HYDIN: variants seen among roughly 807,000 people sequenced by gnomAD.
HYDIN encodes the protein HYDIN axonemal central pair apparatus protein.
In HYDIN, 132 loss-of-function variants were observed where a neutral mutation model predicts 403.9. That is an observed-to-expected ratio of 0.33 (90% confidence interval 0.28 to 0.38). The LOEUF (loss-of-function observed/expected upper bound fraction) is 0.38, where lower values mean the gene tolerates loss of function less well. Ranked by LOEUF, HYDIN falls within the 10% of genes least tolerant of loss-of-function variation. HYDIN has a pLI of 1.00. For synonymous variants in HYDIN, 1,202 were observed against 1,891.7 expected, an observed-to-expected ratio of 0.64 and a Z score of 9.46; for missense variants, 2,827 against 5,009.5, an observed-to-expected ratio of 0.56 and a Z score of 13.15.
intron 57 of HYDIN, among the ~76,000 whole-genome samples, chr16:70,891,070 T>C (rs2041435338): frequency 6.6e-6 from 1 of 152,002 alleles, no homozygotes. Context: ...AGACTGTGTT[T>C]GTTCAACTAA....
At chr16:70,863,870 GAAAGA>G (rs11272264) in intron 67 of HYDIN, among the ~76,000 whole-genome samples, 3 of 150,424 alleles carry the variant, frequency 2.0e-5, no homozygotes, top group Admixed American at 6.7e-5. Context: ...AGACTCTGTC[GAAAGA>G]AAAGAAAAGA....
At chr16:70,847,174 T>C (rs1278158933) in intron 75 of HYDIN, among the ~76,000 whole-genome samples, 1 of 152,326 alleles carries the variant, frequency 6.6e-6, no homozygotes, top group Non-Finnish European at 1.5e-5. Context: ...TTAATTTCAA[T>C]AATAGGCAAA....
At chr16:70,893,432 G>A (rs1385502719) in intron 55 of HYDIN, 1 of 152,152 alleles carries the variant, frequency 6.6e-6, no homozygotes. Context: ...CCCTGTCTGA[G>A]GGGTGTTTCC....
intron 50 of HYDIN, among the ~76,000 whole-genome samples, chr16:70,904,453 C>G (rs1439783669): frequency 8.8e-6 from 1 of 114,186 alleles, no homozygotes; most frequent in East Asian, 2.5e-4. Flanking sequence ...GCTTATATCC[C>G]TGAGAGAGAT....
At chr16:71,184,742 G>A in intron 3 of HYDIN, 123 bp downstream of exon 3, 3 of 757,384 alleles carry the variant, frequency 4.0e-6, no homozygotes, top group Non-Finnish European at 6.2e-6. Context: ...GGCAGAAAAG[G>A]AGGATTGAAA....
Position 70,868,589 on chromosome 16 carries a change from G to A in HYDIN, c.11291C>T (p.Thr3764Ile). Residue 3764 changes from threonine to isoleucine, a missense_variant, in exon 66 of 86, where the codon ACT becomes ATT. Thr to Ile is a moderately conservative substitution (Grantham distance 89, BLOSUM62 -1). Transcript: ENST00000393567. ...WVDVPRNMPG[T>I]FTTKRKVIET... ...ACTTACTTTTCGTTTTGTAGTGAAA[G>A]TCCCAGGCATGTTTCTGGGTACGTC... 6.2e-7 allele frequency: 1 copy of A among 1,612,406 alleles called. No individual in the cohort carries two copies. Among genetic ancestry groups the A allele is most frequent in the Non-Finnish European group, 8.5e-7 (1 of 1,179,774 alleles).
chr16:70,855,873 A>G, intron 72 of HYDIN, among the ~76,000 whole-genome samples: 1 of 152,284 alleles, frequency 6.6e-6, no homozygotes, highest in South Asian at 2.1e-4. Flanking sequence ...TTTGGTATAA[A>G]TATGTCCCGA....
At position 71,129,710 on chromosome 16, in the gene HYDIN, G is replaced by A. The variant is rs150136432; in HGVS notation, c.1157C>T (p.Ala386Val). 3.1e-3 allele frequency: 4,971 copies of A among 1,614,128 alleles called. 22 individuals are homozygous for A. Among genetic ancestry groups the A allele is most frequent in the South Asian group, 0.017 (1,511 of 91,064 alleles). ...TCCCTGCACCAGCCTCCTCTGATTC[G>A]CAAAGGTTCGGGACAGAACAGAAAG... ...EHLSVLSRTFANQRRLVQGDS... is the reference protein window; with the variant it reads ...EHLSVLSRTFVNQRRLVQGDS... Residue 386 changes from alanine (A) to valine (V), a missense_variant, in exon 9 of 86, where the codon GCG becomes GTG. Ala to Val is a moderately conservative substitution (Grantham distance 64). Transcript: ENST00000393567.
Position 70,878,914 on chromosome 16 carries a change from T to C in HYDIN, c.10557+383A>G, listed in dbSNP as rs557191308. 1.1e-4 allele frequency among the ~76,000 whole-genome samples: 15 copies of C among 142,776 alleles called. No individual in the cohort carries two copies. The South Asian group carries it at 3.1e-3, about 30-fold the overall frequency. The allele number at this position is 142,776 out of a possible 152,430, so 93.7% of individuals were successfully genotyped here. ...ATTTAATCATTGAATCAAAATACAT[T>C]TGAATGCTGTATTTTTCACCCCTCC... On this transcript the variant is annotated intron_variant, in intron 62 of 85. Transcript: ENST00000393567.
intron 1 of HYDIN, among the ~76,000 whole-genome samples, chr16:71,216,909 CCCA>C (rs1213747670): frequency 6.6e-6 from 1 of 152,152 alleles, no homozygotes; most frequent in African/African-American, 2.4e-5. Context: ...GCTTCCCAAC[CCCA>C]CCACAAGGCT....
chr16:70,888,011 C>T (rs2041246170), intron 58 of HYDIN, among the ~76,000 whole-genome samples: 1 of 152,258 alleles, frequency 6.6e-6, no homozygotes, highest in East Asian at 1.9e-4. Context: ...TCCTCTGTTC[C>T]CTCTGTGTTG....
chr16:71,020,071 C>G, intron 22 of HYDIN, 103 bp downstream of exon 22: 7 of 962,568 alleles, frequency 7.3e-6, no homozygotes, highest in Non-Finnish European at 1.1e-5. Context: ...TCCTTTACAT[C>G]TTTCTGAGCT....
intron 25 of HYDIN, among the ~76,000 whole-genome samples, chr16:70,990,959 T>C (rs2144043328): frequency 6.6e-6 from 1 of 152,372 alleles, no homozygotes; most frequent in Middle Eastern, 3.4e-3. Context: ...TCTAAAATGT[T>C]GTAACAAGCA....
chr16:71,130,445 A>G (rs2084658179), intron 8 of HYDIN, among the ~76,000 whole-genome samples: 1 of 150,634 alleles, frequency 6.6e-6, no homozygotes, highest in Non-Finnish European at 1.5e-5. Flanking sequence ...TTCCTGGGAC[A>G]AAGCTGGCAA....
chr16:71,223,181 C>A (rs2144764331), intron 1 of HYDIN, among the ~76,000 whole-genome samples: 1 of 152,224 alleles, frequency 6.6e-6, no homozygotes, highest in African/African-American at 2.4e-5. Flanking sequence ...ATAATTACAG[C>A]CAACTGATAT....
At chr16:70,971,421 T>C (rs1471976051) in intron 35 of HYDIN, among the ~76,000 whole-genome samples, 3 of 152,096 alleles carry the variant, frequency 2.0e-5, no homozygotes, top group Non-Finnish European at 2.9e-5. Flanking sequence ...CAAATCTACA[T>C]TGCATCCCAT....
intron 84 of HYDIN, among the ~76,000 whole-genome samples, chr16:70,813,348 C>T (rs1160438541): frequency 1.3e-5 from 2 of 151,692 alleles, no homozygotes; most frequent in African/African-American, 4.8e-5. Flanking sequence ...GAGAGGCCCG[C>T]ATAGTGAGGA....
chr16:71,230,387 C>T (rs527683665), intron 1 of HYDIN, among the ~76,000 whole-genome samples, 175 bp downstream of exon 1: 106 of 152,222 alleles, frequency 7.0e-4, no homozygotes, highest in Admixed American at 2.5e-3. Context: ...TCCGAGGTCC[C>T]GTAACTTTCA....
rs1331938597 is a variant in HYDIN, at chr16:70,883,851, G to C, written c.9979+69C>G. ...CTCCCAAAGTGCTGGGATCACAAGC[G>C]TGAGCCACTGCACCAGGTCTCAGAT... On this transcript the variant is annotated intron_variant, in intron 59 of 85. Coordinates refer to ENST00000393567, the MANE Select transcript of HYDIN (RefSeq NM_001270974.2). 1.9e-6 allele frequency: 3 copies of C among 1,544,018 alleles called. No homozygotes were observed. In the African/African-American group the frequency reaches 4.4e-5, roughly 23 times the overall value.
Sources: gnomAD v4.1 joint callset for allele counts (sites outside exome capture counted in the v4.1 genomes callset) on GRCh38, gnomAD v4.1.1 for gene constraint, MANE v1.5 for transcripts, NCBI Gene and HGNC (gene_info 2026-07-23, HGNC 2026-07-21) for gene names.